The following ARAP2 variants were observed in gnomAD, a reference collection of about 807,000 sequenced individuals.
The protein encoded by ARAP2 is ArfGAP with RhoGAP domain, ankyrin repeat and PH domain 2.
ARAP2 carries 148 observed loss-of-function variants against 194.5 expected under a neutral mutation model. The ratio of observed to expected loss-of-function variants is 0.76; its 90% CI spans 0.67 to 0.87. The LOEUF is 0.87. Among genes scored for constraint, ARAP2 ranks in the 40% least tolerant of loss-of-function variants. The pLI, the probability that ARAP2 is intolerant of heterozygous loss-of-function variation, is 0.00. For synonymous variants in ARAP2, 695 were observed against 683.5 expected (o/e 1.02, Z -0.26); for missense variants, 2,128 against 1,989.7 (o/e 1.07, Z -1.32).
intron 11 of ARAP2, among the ~76,000 whole-genome samples, chr4:36,164,421 A>C (rs528230738): frequency 5.9e-5 from 9 of 152,350 alleles, no homozygotes; most frequent in Admixed American, 5.2e-4. Flanking sequence ...AAAACCAGTC[A>C]TAGTACTGGT....
intron 27 of ARAP2, among the ~76,000 whole-genome samples, chr4:36,107,018 T>C (rs1023734906): frequency 6.6e-6 from 1 of 151,982 alleles, no homozygotes; most frequent in East Asian, 1.9e-4. Context: ...AGAAATGGTC[T>C]TATATAGTTC....
chr4:36,227,065 A>G (rs1750482058), intron 2 of ARAP2, among the ~76,000 whole-genome samples: 1 of 152,208 alleles, frequency 6.6e-6, no homozygotes, highest in Admixed American at 6.5e-5. Flanking sequence ...ATTCTTATAT[A>G]GCCAATCAAC....
intron 2 of ARAP2, 96 bp downstream of exon 2, chr4:36,228,486 T>C: frequency 7.5e-7 from 1 of 1,328,782 alleles, no homozygotes; most frequent in African/African-American, 1.5e-5. Flanking sequence ...ATGAATACAG[T>C]CAAATTTAGA....
At chr4:36,223,442 G>A (rs968271220) in intron 2 of ARAP2, among the ~76,000 whole-genome samples, 4 of 152,066 alleles carry the variant, frequency 2.6e-5, no homozygotes, top group African/African-American at 7.2e-5. Flanking sequence ...ATAAACAGTC[G>A]TTGCCTGTGG....
At position 36,035,728 on chromosome 4, in the gene ARAP2, C is replaced by A. The variant is rs73225560; in HGVS notation, n.607+10251G>T. 8.3e-3 allele frequency among the ~76,000 whole-genome samples: 1,266 copies of A among 152,146 alleles called. 11 individuals carry two copies. Among genetic ancestry groups the A allele is most frequent in the Admixed American group, 0.019 (284 of 15,268 alleles). Reference sequence around the variant, plus strand: ...ATTTTTGTTTAAGAAATATTTTATTCACTTCAAGATGTCAAAGATGTTCTA... The same window carrying A: ...ATTTTTGTTTAAGAAATATTTTATTAACTTCAAGATGTCAAAGATGTTCTA... On this transcript the variant is annotated intron_variant and non_coding_transcript_variant, in intron 5 of 12. Transcript: ENST00000503225.
intron 5 of ARAP2, among the ~76,000 whole-genome samples, chr4:36,028,126 T>G (rs1352986686): frequency 6.6e-6 from 1 of 152,226 alleles, no homozygotes; most frequent in Non-Finnish European, 1.5e-5. Flanking sequence ...TACTCGCTAA[T>G]GTTTTATTTA....
chr4:36,221,437 A>C (rs1268004472), intron 2 of ARAP2, among the ~76,000 whole-genome samples: 1 of 152,136 alleles, frequency 6.6e-6, no homozygotes, highest in Non-Finnish European at 1.5e-5. Flanking sequence ...TCAAGTTCAC[A>C]CAACTCATAA....
intron 30 of ARAP2, among the ~76,000 whole-genome samples, chr4:36,081,548 T>A (rs1031531319): frequency 6.6e-6 from 1 of 152,124 alleles, no homozygotes; most frequent in African/African-American, 2.4e-5. Flanking sequence ...CTGTGCTTGA[T>A]CCTATAGGTG....
intron 11 of ARAP2, 38 bp from the exon 12 acceptor site, chr4:36,161,588 G>T (rs559671055): frequency 1.3e-6 from 2 of 1,519,680 alleles, no homozygotes; most frequent in East Asian, 2.3e-5. Flanking sequence ...ATTTTAATTT[G>T]TATGTAAATT....
chr4:36,204,911 C>G (rs1745194890), intron 6 of ARAP2, among the ~76,000 whole-genome samples: 1 of 137,964 alleles, frequency 7.2e-6, no homozygotes, highest in Non-Finnish European at 1.5e-5. Flanking sequence ...CTGCTTGAAC[C>G]CAGGAGGTGA....
intron 6 of ARAP2, among the ~76,000 whole-genome samples, chr4:36,200,938 A>G (rs544939144): frequency 1.3e-5 from 2 of 152,254 alleles, no homozygotes; most frequent in Non-Finnish European, 2.9e-5. Flanking sequence ...AAGATAATGT[A>G]TACAAGACAA....
At chr4:36,156,389 GAGAAAGAA>G (rs1190805215) in intron 15 of ARAP2, among the ~76,000 whole-genome samples, 251 of 12,550 alleles carry the variant, frequency 0.02, 11 homozygotes, top group Middle Eastern at 0.14. Flanking sequence ...AAGAGAGAGA[GAGAAAGAA>G]AGAAAGAAAG....
At position 36,225,432 on chromosome 4, in the gene ARAP2, T is replaced by C. The variant is rs573929237; in HGVS notation, c.905+3150A>G. 1.1e-4 allele frequency among the ~76,000 whole-genome samples: 17 copies of C among 152,208 alleles called. 1 individual carries two copies. In the South Asian group the frequency reaches 3.5e-3, roughly 32 times the overall value. On this transcript the variant is annotated intron_variant, in intron 2 of 32. Coordinates refer to ENST00000303965, the MANE Select transcript of ARAP2 (RefSeq NM_015230.4). ...TACAACTCCCATGGGCAATGTGGCA[T>C]CTGCTTTCTGCTTGGAGGGCTCCCA...
intron 1 of ARAP2, among the ~76,000 whole-genome samples, chr4:36,234,666 T>A (rs997316032): frequency 2.0e-5 from 3 of 152,180 alleles, no homozygotes; most frequent in Non-Finnish European, 2.9e-5. Context: ...TCAAAAATCA[T>A]GGGAGTAATA....
chr4:36,095,777 A>G (rs977035076), intron 27 of ARAP2, among the ~76,000 whole-genome samples: 2 of 152,136 alleles, frequency 1.3e-5, no homozygotes, highest in South Asian at 4.2e-4. Flanking sequence ...CCAGATACAT[A>G]TTCAACTGCT....
At chr4:36,074,346 T>G (rs1243609956) in intron 31 of ARAP2, among the ~76,000 whole-genome samples, 1 of 152,134 alleles carries the variant, frequency 6.6e-6, no homozygotes, top group Admixed American at 6.6e-5. Flanking sequence ...TACTCAGACA[T>G]TTCAACATCT....
chr4:36,120,436 C>A (rs1319110387), intron 23 of ARAP2, among the ~76,000 whole-genome samples: 1 of 151,568 alleles, frequency 6.6e-6, no homozygotes. Flanking sequence ...ATTACACTAA[C>A]TGTCTTGACT....
chr4:36,187,157 A>G (rs1740752155), intron 8 of ARAP2, among the ~76,000 whole-genome samples: 2 of 152,258 alleles, frequency 1.3e-5, no homozygotes. Flanking sequence ...CTCAAAGGTT[A>G]GCTCCACGAA....
chr4:36,013,397 G>T (rs1027746484), intron 8 of ARAP2, among the ~76,000 whole-genome samples: 2 of 152,188 alleles, frequency 1.3e-5, no homozygotes, highest in African/African-American at 4.8e-5. Context: ...ACTAAAAAGG[G>T]TGAGGAATTA....
Sources: gnomAD v4.1 joint callset for allele counts (sites outside exome capture counted in the v4.1 genomes callset) on GRCh38, gnomAD v4.1.1 for gene constraint, MANE v1.5 for transcripts, NCBI Gene and HGNC (gene_info 2026-07-23, HGNC 2026-07-21) for gene names.